The following BASP1 variants were observed in gnomAD, a reference collection of about 807,000 sequenced individuals.
BASP1 encodes brain acid soluble protein 1.
In BASP1, 1 loss-of-function variant was observed where a neutral mutation model predicts 2.2. The observed-to-expected ratio is 0.46, with a 90% CI of 0.16 to 2.17. BASP1 has a LOEUF of 2.17. Ranked by LOEUF, BASP1 falls within the 30% of genes most tolerant of loss-of-function variation. BASP1 has a pLI of 0.27. For synonymous variants in BASP1, 187 were observed against 154.2 expected, an observed-to-expected ratio of 1.21 and a Z score of -1.58; for missense variants, 352 against 327.2, an observed-to-expected ratio of 1.08 and a Z score of -0.58.
At chr5:17,234,693 T>C (rs1739707489) in intron 1 of BASP1, among the ~76,000 whole-genome samples, 3 of 152,192 alleles carry the variant, frequency 2.0e-5, no homozygotes, top group Admixed American at 6.5e-5. Context: ...TAGCTTACAG[T>C]GGGTGAAGGC....
At chr5:17,273,063 C>T (rs1027606561) in intron 1 of BASP1, among the ~76,000 whole-genome samples, 4 of 152,118 alleles carry the variant, frequency 2.6e-5, no homozygotes, top group African/African-American at 7.2e-5. Flanking sequence ...TAAAGGCAGA[C>T]CTGTTAGGTT....
At chr5:17,243,425 G>T (rs538466466) in intron 1 of BASP1, among the ~76,000 whole-genome samples, 1 of 152,128 alleles carries the variant, frequency 6.6e-6, no homozygotes, top group South Asian at 2.1e-4. Context: ...AAGTGCTGGG[G>T]TTACAGGCAT....
At chr5:17,255,765 A>G (rs1740198630) in intron 1 of BASP1, among the ~76,000 whole-genome samples, 1 of 152,172 alleles carries the variant, frequency 6.6e-6, no homozygotes, top group Non-Finnish European at 1.5e-5. Context: ...TTTCACTTCC[A>G]CCTTCTGTTT....
At chr5:17,261,344 A>T (rs1740312088) in intron 1 of BASP1, among the ~76,000 whole-genome samples, 1 of 152,206 alleles carries the variant, frequency 6.6e-6, no homozygotes, top group Non-Finnish European at 1.5e-5. Context: ...GCAGTTCTTC[A>T]GCATTTTAGT....
At chr5:17,242,625 A>G (rs544652354) in intron 1 of BASP1, among the ~76,000 whole-genome samples, 1 of 152,298 alleles carries the variant, frequency 6.6e-6, no homozygotes, top group South Asian at 2.1e-4. Context: ...ATAAATGCTC[A>G]AGTCAGGGCT....
intron 1 of BASP1, among the ~76,000 whole-genome samples, chr5:17,244,724 G>A (rs1244562958): frequency 4.1e-5 from 6 of 145,444 alleles, no homozygotes; most frequent in African/African-American, 7.7e-5. Flanking sequence ...ACGGAGTCTC[G>A]CTCTGTTGCC....
intron 1 of BASP1, among the ~76,000 whole-genome samples, chr5:17,237,383 G>T (rs1312297391): frequency 6.6e-6 from 1 of 152,078 alleles, no homozygotes; most frequent in East Asian, 1.9e-4. Flanking sequence ...AAGGTGATAA[G>T]GCTATCTAAT....
intron 1 of BASP1, among the ~76,000 whole-genome samples, chr5:17,264,603 T>G (rs973086103): frequency 6.6e-6 from 1 of 152,212 alleles, no homozygotes; most frequent in African/African-American, 2.4e-5. Context: ...GCAGATATAT[T>G]TTTTTCTGAT....
At chr5:17,254,267 A>G (rs1740157651) in intron 1 of BASP1, among the ~76,000 whole-genome samples, 3 of 152,202 alleles carry the variant, frequency 2.0e-5, no homozygotes, top group Admixed American at 6.5e-5. Context: ...ATATCTGCTA[A>G]CATAATTGTA....
chr5:17,274,353 C>T (rs1240515444), intron 1 of BASP1, among the ~76,000 whole-genome samples: 1 of 152,114 alleles, frequency 6.6e-6, no homozygotes, highest in African/African-American at 2.4e-5. Flanking sequence ...AGACTGAATC[C>T]TGTTTACCTT....
Position 17,276,004 on chromosome 5 carries a change from TC to T in BASP1, c.*106del, listed in dbSNP as rs1740653949. 2.1e-6 allele frequency: 2 copies of T among 965,842 alleles called. No individual in the cohort carries two copies. The highest frequency in any genetic ancestry group is 1.7e-5 in the African/African-American group (1 of 58,428). The allele number at this position is 965,842 out of a possible 1,614,324, so 59.8% of individuals were successfully genotyped here. On this transcript the variant is annotated 3_prime_UTR_variant, in exon 2 of 2. Transcript: ENST00000322611. ...CTCTATCTCCTCTCTCTCTCTCCTC[TC>T]CTATCTCTCCTCTCTCTCTCTCCTA... is the stretch of plus-strand genomic sequence containing the variant.
At chr5:17,230,243 C>T (rs1218240829) in intron 1 of BASP1, among the ~76,000 whole-genome samples, 4 of 152,120 alleles carry the variant, frequency 2.6e-5, no homozygotes, top group Non-Finnish European at 4.4e-5. Flanking sequence ...AGACTCTTAA[C>T]GGTGGAACAG....
intron 1 of BASP1, among the ~76,000 whole-genome samples, chr5:17,224,199 G>C (rs1739447433): frequency 6.6e-6 from 1 of 152,164 alleles, no homozygotes; most frequent in Non-Finnish European, 1.5e-5. Context: ...GTTGAGCAAA[G>C]GTGAATTCAC....
intron 1 of BASP1, among the ~76,000 whole-genome samples, chr5:17,246,586 G>A (rs550686518): frequency 6.2e-5 from 9 of 145,452 alleles, no homozygotes; most frequent in Non-Finnish European, 1.4e-4. Flanking sequence ...TACAACTCAT[G>A]ATTAGAGGAA....
rs1740130122 is a variant in BASP1, at chr5:17,252,884, G to GATAATA, written c.-9-22319_-9-22314dup. 3.9e-5 allele frequency among the ~76,000 whole-genome samples: 6 copies of GATAATA among 152,184 alleles called. No individual in the cohort carries two copies. The South Asian group carries it at 1.0e-3, about 26-fold the overall frequency. On this transcript the variant is annotated intron_variant, in intron 1 of 1. Coordinates refer to ENST00000322611, the MANE Select transcript of BASP1 (RefSeq NM_006317.5). ...CAGTCAAGTTTTTCTTAAAGGGCCA[G>GATAATA]ATAATAATAAATACTTTAGACTTTC...
intron 1 of BASP1, among the ~76,000 whole-genome samples, chr5:17,266,583 A>T (rs1268964292): frequency 6.6e-6 from 1 of 152,086 alleles, no homozygotes; most frequent in African/African-American, 2.4e-5. Context: ...GAGGCAAGCG[A>T]ATCACCTGAG....
intron 1 of BASP1, among the ~76,000 whole-genome samples, chr5:17,246,552 G>A (rs535134488): frequency 6.6e-6 from 1 of 152,226 alleles, no homozygotes; most frequent in South Asian, 2.1e-4. Flanking sequence ...TGGCCGCCCC[G>A]AAAACTGGCT....
rs975473362 is a variant in BASP1 at position 17,276,007 on chromosome 5, T to A, written c.*107T>A. On this transcript the variant is annotated 3_prime_UTR_variant, in exon 2 of 2. Coordinates refer to ENST00000322611, the MANE Select transcript of BASP1 (RefSeq NM_006317.5). ...TATCTCCTCTCTCTCTCTCCTCTCC[T>A]ATCTCTCCTCTCTCTCTCTCCTATA... The A allele has an allele frequency of 4.0e-5, 38 of 959,906 alleles. No individual in the cohort carries two copies. The highest frequency in any genetic ancestry group is 5.4e-5 in the Non-Finnish European group (37 of 687,406). The allele number at this position is 959,906 out of a possible 1,614,324, so 59.5% of individuals were successfully genotyped here.
intron 1 of BASP1, among the ~76,000 whole-genome samples, chr5:17,269,213 T>G (rs2126519746): frequency 6.6e-6 from 1 of 152,364 alleles, no homozygotes; most frequent in South Asian, 2.1e-4. Flanking sequence ...AAAAGTTTCA[T>G]GAACGTTCAT....
Sources: allele counts gnomAD v4.1 joint callset (sites outside exome capture counted in the v4.1 genomes callset), GRCh38; gene constraint gnomAD v4.1.1; transcripts MANE v1.5; gene names NCBI Gene and HGNC (gene_info 2026-07-23, HGNC 2026-07-21).